The following FBXO46 variants were observed in gnomAD, a reference collection of about 807,000 sequenced individuals.
The protein encoded by FBXO46 is F-box only protein 46.
A neutral mutation model predicts 30.7 loss-of-function variants in FBXO46; 13 were observed. The ratio of observed to expected loss-of-function variants is 0.42; its 90% confidence interval spans 0.28 to 0.67. The LOEUF (loss-of-function observed/expected upper bound fraction) is 0.67, where lower values mean the gene tolerates loss of function less well. FBXO46 is among the 30% of genes least tolerant of loss of function. The pLI is 0.21. For synonymous variants in FBXO46, 467 were observed against 385.8 expected (o/e 1.21, Z -2.47); for missense variants, 754 against 871.5 (o/e 0.87, Z 1.70).
rs1459659130 is a variant in FBXO46 at position 45,713,031 on chromosome 19, A to T, written c.465T>A (p.Ala155=). 4.5e-6 allele frequency: 7 copies of T among 1,558,026 alleles called. No homozygotes were observed. Among genetic ancestry groups the T allele is most frequent in the African/African-American group, 1.4e-5 (1 of 73,332 alleles). The change falls in exon 2 of 2, where the codon GCT becomes GCA. Residue 155 remains alanine (A), a synonymous_variant. Transcript: ENST00000317683. The surrounding 1 kb of genome is among the most constrained non-coding windows in gnomAD (Gnocchi z 4.7). Reference sequence around the variant, plus strand: ...CGGCTGAGGCGGGGCCCTCCTCAGCAGCAGGGGGGCCCTCCCGGCCCCCTG... The same window carrying T: ...CGGCTGAGGCGGGGCCCTCCTCAGCTGCAGGGGGGCCCTCCCGGCCCCCTG... ...PDPGGREGPP[A]AEEGPASAGE... is the part of the protein sequence containing the mutation.
At chr19:45,731,130 G>A (rs1013784611), upstream of FBXO46, among the ~76,000 whole-genome samples, 2 of 152,226 alleles carry the variant, frequency 1.3e-5, no homozygotes, top group Non-Finnish European at 2.9e-5. Context: ...GCTGGGAGAT[G>A]GAGTCTAGCC....
chr19:45,720,206 C>A (rs1968150873), intron 1 of FBXO46, among the ~76,000 whole-genome samples: 1 of 152,078 alleles, frequency 6.6e-6, no homozygotes, highest in Admixed American at 6.6e-5. Context: ...TCACTGCAAT[C>A]ACTGCAACCT....
At chr19:45,723,749 T>C (rs1212229169) in intron 1 of FBXO46, among the ~76,000 whole-genome samples, 1 of 152,078 alleles carries the variant, frequency 6.6e-6, no homozygotes, top group African/African-American at 2.4e-5. Context: ...AACCTCTGCC[T>C]CCCAGGTTCA....
At chr19:45,732,532 C>CAAAAAA (rs36071960), upstream of FBXO46, among the ~76,000 whole-genome samples, 5 of 65,736 alleles carry the variant, frequency 7.6e-5, no homozygotes, top group African/African-American at 2.6e-4. Flanking sequence ...TCGTCTCTAC[C>CAAAAAA]AAAAAAAAAA....
chr19:45,719,303 T>C (rs1968141034), intron 1 of FBXO46, among the ~76,000 whole-genome samples: 1 of 152,014 alleles, frequency 6.6e-6, no homozygotes, highest in South Asian at 2.1e-4. Flanking sequence ...ACAAAAGCAA[T>C]GGATGATGAC....
rs751819786 is a variant in FBXO46 at position 45,713,416 on chromosome 19, G to A, written c.80C>T (p.Pro27Leu). ...FGTYSQNQPR[P>L]PSAALKPSAC... The stretch of plus-strand genomic sequence containing the variant: ...TGATGGCTTGAGGGCCGCAGAAGGC[G>A]GGCGTGGCTGGTTCTGTGAGTAGGT... Residue 27 changes from proline (P) to leucine (L), a missense_variant, in exon 2 of 2, where the codon CCG becomes CTG. By Grantham distance (98) the Pro-to-Leu change is moderately conservative. Transcript: ENST00000317683. The surrounding 1 kb of genome is among the most constrained non-coding windows in gnomAD (Gnocchi z 4.7). 1.1e-5 allele frequency: 17 copies of A among 1,607,196 alleles called. No individual in the cohort carries two copies. The highest frequency in any genetic ancestry group is 5.5e-5 in the South Asian group (5 of 90,814).
chr19:45,714,553 A>T (rs775658473), intron 1 of FBXO46: 2 of 152,192 alleles, frequency 1.3e-5, no homozygotes, highest in Non-Finnish European at 2.9e-5. Context: ...TGCAGGGAGC[A>T]ATGATGGCAC....
chr19:45,724,776 T>C (rs1968216634), intron 1 of FBXO46, among the ~76,000 whole-genome samples: 1 of 152,136 alleles, frequency 6.6e-6, no homozygotes, highest in African/African-American at 2.4e-5. Flanking sequence ...TGCCTCAGCC[T>C]CCCGAGTAGC....
chr19:45,718,919 A>C (rs904090638), intron 1 of FBXO46, among the ~76,000 whole-genome samples: 1 of 151,548 alleles, frequency 6.6e-6, no homozygotes, highest in African/African-American at 2.4e-5. Context: ...CCAAGAGACA[A>C]GTAGAGGAGT....
chr19:45,727,248 C>CA (rs1968251759), intron 1 of FBXO46, among the ~76,000 whole-genome samples: 1 of 130,794 alleles, frequency 7.6e-6, no homozygotes, highest in African/African-American at 2.8e-5. Context: ...GACCCTGGTT[C>CA]AAAACAAAAA....
intron 1 of FBXO46, chr19:45,715,187 A>G (rs1345972119): frequency 1.3e-5 from 2 of 152,226 alleles, no homozygotes; most frequent in Non-Finnish European, 2.9e-5. Flanking sequence ...GAACCTACTA[A>G]GTAACATATG....
chr19:45,711,364 C>T lies in FBXO46; in HGVS notation c.*320G>A, dbSNP rs868678203. 1.6e-4 allele frequency: 89 copies of T among 551,352 alleles called. 1 individual carries two copies. The highest frequency in any genetic ancestry group is 1.3e-3 in the African/African-American group (70 of 52,486). The allele number at this position is 551,352 out of a possible 1,614,324, so 34.2% of individuals were successfully genotyped here. A position where few individuals can be genotyped will look rare whatever the true frequency, so the allele number is the denominator to read the frequency against. On this transcript the variant is annotated 3_prime_UTR_variant, in exon 2 of 2. Transcript: ENST00000317683. ...TACCAAAATTAGCTGCCGTCTGCTC[C>T]CTGCTGGTGGGTCCTTGGGGTGGAA...
upstream of FBXO46, among the ~76,000 whole-genome samples, chr19:45,731,285 G>C (rs190161729): frequency 4.3e-3 from 652 of 151,090 alleles, 3 homozygotes; most frequent in African/African-American, 0.015. Context: ...AGCTCCTTGT[G>C]CTTTTCCAAA....
In FBXO46 at chr19:45,713,068, G is replaced by A. The variant is rs1169060878; in HGVS notation, c.428C>T (p.Ala143Val). ...RRRRCLDPTK[A>V]PPDPGGREGP... is the part of the protein sequence containing the mutation. Reference sequence around the variant, plus strand: ...CTCCCGGCCCCCTGGGTCAGGAGGAGCCTTGGTGGGGTCAAGACAGCGCCT... The same window carrying A: ...CTCCCGGCCCCCTGGGTCAGGAGGAACCTTGGTGGGGTCAAGACAGCGCCT... Residue 143 changes from alanine (A) to valine (V), a missense_variant, in exon 2 of 2, where the codon GCT (alanine) becomes GTT (valine). By Grantham distance (64) the Ala-to-Val change is moderately conservative (BLOSUM62 0). This residue lies in a region of FBXO46 where 454 missense variants were observed against 426.5 expected (regional missense o/e 1.06). Transcript: ENST00000317683. This position sits in a 1 kb window ranked among gnomAD's most constrained non-coding sequence, Gnocchi z 4.7. The A allele has an allele frequency of 1.3e-6, 2 of 1,582,772 alleles. No individual in the cohort carries two copies. Among genetic ancestry groups the A allele is most frequent in the Non-Finnish European group, 1.7e-6 (2 of 1,166,190 alleles).
intron 1 of FBXO46, among the ~76,000 whole-genome samples, chr19:45,724,407 G>A (rs1365912590): frequency 6.6e-6 from 1 of 152,218 alleles, no homozygotes; most frequent in Non-Finnish European, 1.5e-5. Flanking sequence ...GAGCACAAAT[G>A]CTCGCATACT....
At chr19:45,726,361 A>G (rs1034855018) in intron 1 of FBXO46, among the ~76,000 whole-genome samples, 11 of 151,908 alleles carry the variant, frequency 7.2e-5, no homozygotes, top group Admixed American at 3.3e-4. Flanking sequence ...AACAACAAAA[A>G]AAATGGCTGG....
At position 45,712,401 on chromosome 19, in the gene FBXO46, G is replaced by A. The variant is rs1220276496; in HGVS notation, c.1095C>T (p.His365=). ...PARDCGASGF[H]VDVVVTGVVD... is the part of the protein sequence containing the mutation. ...CCACGCCCGTCACCACCACGTCCAC[G>A]TGGAAGCCTGACGCTCCGCAGTCCC... The change falls in exon 2 of 2, where the codon CAC becomes CAT. Residue 365 remains histidine (H), a synonymous_variant. Transcript: ENST00000317683. The surrounding 1 kb of genome is among the most constrained non-coding windows in gnomAD (Gnocchi z 8.8). The A allele has an allele frequency of 1.9e-6, 3 of 1,607,750 alleles. No homozygotes were observed. The highest frequency in any genetic ancestry group is 2.5e-6 in the Non-Finnish European group (3 of 1,179,712).
chr19:45,712,489 C>A lies in FBXO46; in HGVS notation c.1007G>T (p.Gly336Val), dbSNP rs1380032830. ...LLARADEASEGDSPAPARPED... is the reference protein window; with the variant it reads ...LLARADEASEVDSPAPARPED... ...AGGCCTGGCGGGTGCCGGGCTGTCA[C>A]CCTCACTGGCCTCATCCGCCCTGGC... The change falls in exon 2 of 2, where the codon GGT (glycine) becomes GTT (valine). Residue 336 changes from glycine (G) to valine (V), a missense_variant. By Grantham distance (109) the Gly-to-Val change is moderately radical. This residue lies in a region of FBXO46 where 454 missense variants were observed against 426.5 expected (regional missense o/e 1.06). Transcript: ENST00000317683. The surrounding 1 kb of genome is among the most constrained non-coding windows in gnomAD (Gnocchi z 8.8). 1 of 1,606,396 alleles carries A rather than the reference C, an allele frequency of 6.2e-7. No individual in the cohort carries two copies. Among genetic ancestry groups the A allele is most frequent in the Non-Finnish European group, 8.5e-7 (1 of 1,176,082 alleles).
chr19:45,716,958 G>A (rs1277678408), intron 1 of FBXO46: 1 of 152,128 alleles, frequency 6.6e-6, no homozygotes, highest in Non-Finnish European at 1.5e-5. Flanking sequence ...CGGGCTCTTT[G>A]CTTCTGTCTC....
Sources: gnomAD v4.1 joint callset for allele counts (sites outside exome capture counted in the v4.1 genomes callset) on GRCh38, gnomAD v4.1.1 for gene constraint, gnomAD v4.1.1 regional missense constraint, Gnocchi (gnomAD v3.1) non-coding constraint, MANE v1.5 for transcripts, NCBI Gene and HGNC (gene_info 2026-07-23, HGNC 2026-07-21) for gene names.